Variants in IPP observed in about 807,000 individuals in gnomAD.
The protein encoded by IPP is intracisternal A particle-promoted polypeptide.
A neutral mutation model predicts 64.1 loss-of-function variants in IPP; 41 were observed. That is an observed-to-expected ratio of 0.64 (90% confidence interval 0.50 to 0.83). The LOEUF (loss-of-function observed/expected upper bound fraction) is 0.83. Ranked by LOEUF, IPP falls within the 40% of genes least tolerant of loss-of-function variation. The pLI, the probability that IPP is intolerant of heterozygous loss-of-function variation, is 0.00. For synonymous variants in IPP, 214 were observed against 235.2 expected (o/e 0.91, Z 0.83); for missense variants, 649 against 703.0 (o/e 0.92, Z 0.87).
intron 5 of IPP, 24 bp from the exon 6 acceptor site, chr1:45,719,364 T>C (rs745353974): frequency 1.3e-6 from 2 of 1,508,278 alleles, no homozygotes; most frequent in Non-Finnish European, 1.8e-6. Flanking sequence ...AAGAGACAAA[T>C]ATTATAAAGT....
chr1:45,706,828 C>A (rs1328276681), intron 8 of IPP, among the ~76,000 whole-genome samples: 1 of 152,128 alleles, frequency 6.6e-6, no homozygotes, highest in Non-Finnish European at 1.5e-5. Flanking sequence ...AAATTCAACA[C>A]TTAAAAGAAG....
chr1:45,726,925 C>A (rs2148568669), intron 5 of IPP, among the ~76,000 whole-genome samples: 1 of 152,160 alleles, frequency 6.6e-6, no homozygotes, highest in South Asian at 2.1e-4. Context: ...AAGGTTTCAC[C>A]ATGTTGGCCA....
intron 3 of IPP, among the ~76,000 whole-genome samples, chr1:45,738,857 A>AAAACAAAAAAC (rs1557758677): frequency 1.3e-5 from 2 of 150,146 alleles, no homozygotes; most frequent in African/African-American, 4.9e-5. Context: ...AAAAAAAAAA[A>AAAACAAAAAAC]AAAAAAAACA....
At chr1:45,707,616 G>C (rs1047824488) in intron 8 of IPP, among the ~76,000 whole-genome samples, 29 of 151,918 alleles carry the variant, frequency 1.9e-4, no homozygotes, top group African/African-American at 7.0e-4. Context: ...TAGAAGTTTG[G>C]ATACTCTAAA....
In IPP at chr1:45,709,602, T is replaced by C. The variant is rs190264673; in HGVS notation, c.1530+4644A>G. Among the ~76,000 whole-genome samples, 16 of 150,916 alleles carry C rather than the reference T, an allele frequency of 1.1e-4. 1 individual carries two copies. The East Asian group carries it at 3.2e-3, about 30-fold the overall frequency. On this transcript the variant is annotated intron_variant, in intron 8 of 8. Coordinates refer to ENST00000396478, the MANE Select transcript of IPP (RefSeq NM_005897.3). ...GTTCACGCCTGTAATCCCAACACTTTGGGAGGCTGAGGAGGGCAGATCACG... is the reference window on the plus strand; with the variant it reads ...GTTCACGCCTGTAATCCCAACACTTCGGGAGGCTGAGGAGGGCAGATCACG...
In IPP at chr1:45,698,715, TTC is replaced by T. The variant is rs1645409831; in HGVS notation, c.*1249_*1250del. 11 of 686,034 alleles carry T rather than the reference TTC, an allele frequency of 1.6e-5. No homozygotes were observed. The highest frequency in any genetic ancestry group is 1.8e-5 in the Non-Finnish European group (11 of 607,940). 42.5% of individuals were successfully genotyped at this position (686,034 alleles called of 1,614,324 possible). On this transcript the variant is annotated 3_prime_UTR_variant, in exon 9 of 9. Coordinates refer to ENST00000396478, the MANE Select transcript of IPP (RefSeq NM_005897.3). ...CTAGCAAAAAAGGAAGAATTTTTTT[TTC>T]TTTTTTTTTTTTTTTTTTTGAGACA... is the stretch of plus-strand genomic sequence containing the variant.
intron 5 of IPP, among the ~76,000 whole-genome samples, chr1:45,726,941 G>A (rs1385493844): frequency 6.6e-6 from 1 of 152,084 alleles, no homozygotes; most frequent in Non-Finnish European, 1.5e-5. Flanking sequence ...GGCCAGGCTG[G>A]TCTTGAACTC....
chr1:45,742,503 A>G (rs1300202022), intron 2 of IPP, among the ~76,000 whole-genome samples: 3 of 152,212 alleles, frequency 2.0e-5, no homozygotes, highest in African/African-American at 7.2e-5. Context: ...TCTATCTTCA[A>G]TTATGATAAA....
chr1:45,734,205 T>C (rs1557755963), intron 3 of IPP, among the ~76,000 whole-genome samples: 1 of 152,132 alleles, frequency 6.6e-6, no homozygotes, highest in Non-Finnish European at 1.5e-5. Context: ...AAGTTGATAC[T>C]GTTTAAAATT....
At chr1:45,726,400 G>A (rs966341606) in intron 5 of IPP, among the ~76,000 whole-genome samples, 39 of 152,014 alleles carry the variant, frequency 2.6e-4, no homozygotes, top group African/African-American at 8.9e-4. Flanking sequence ...GGAGGTTGTG[G>A]TGAGCTGAGA....
At chr1:45,713,822 G>A (rs1175783212) in intron 8 of IPP, among the ~76,000 whole-genome samples, 2 of 152,146 alleles carry the variant, frequency 1.3e-5, no homozygotes, top group Non-Finnish European at 2.9e-5. Flanking sequence ...GCTTCCCAAA[G>A]TGCTGGGATT....
intron 5 of IPP, among the ~76,000 whole-genome samples, chr1:45,721,844 G>A (rs28642844): frequency 1.3e-5 from 2 of 151,212 alleles, no homozygotes; most frequent in Non-Finnish European, 1.5e-5. Flanking sequence ...GGCAGATCAC[G>A]AGGTCAGGAG....
chr1:45,703,900 T>A (rs1041256130), intron 8 of IPP, among the ~76,000 whole-genome samples: 6 of 152,350 alleles, frequency 3.9e-5, no homozygotes, highest in African/African-American at 1.4e-4. Context: ...AGTTTGTTCT[T>A]GTTTCTGCCT....
downstream of IPP, among the ~76,000 whole-genome samples, chr1:45,695,819 G>C (rs949561678): frequency 6.6e-6 from 1 of 152,030 alleles, no homozygotes; most frequent in East Asian, 1.9e-4. Flanking sequence ...ACAGGCATGC[G>C]CCACCATGCC....
intron 8 of IPP, among the ~76,000 whole-genome samples, chr1:45,703,067 T>C (rs1456579672): frequency 1.3e-5 from 2 of 151,896 alleles, no homozygotes; most frequent in African/African-American, 4.8e-5. Context: ...TTAATCCAGA[T>C]TTAAGAAGTA....
At chr1:45,749,822 G>A (rs546912324) in intron 1 of IPP, among the ~76,000 whole-genome samples, 10 of 152,208 alleles carry the variant, frequency 6.6e-5, no homozygotes, top group East Asian at 1.9e-4. Flanking sequence ...GCCCGGCCAG[G>A]GAGGATCGCT....
At chr1:45,740,780 A>G in intron 3 of IPP, 121 bp downstream of exon 3, 1 of 593,098 alleles carries the variant, frequency 1.7e-6, no homozygotes, top group Non-Finnish European at 2.8e-6. Context: ...AAGAAAAAAA[A>G]AGAGTAATCA....
At chr1:45,712,865 G>GAAAA (rs1185686636) in intron 8 of IPP, among the ~76,000 whole-genome samples, 1 of 120,882 alleles carries the variant, frequency 8.3e-6, no homozygotes, top group East Asian at 2.4e-4. Context: ...AAAAAAAAAA[G>GAAAA]AAAAAAAAAA....
intron 1 of IPP, among the ~76,000 whole-genome samples, 167 bp downstream of exon 1, chr1:45,750,430 C>T (rs993340823): frequency 2.6e-5 from 4 of 152,172 alleles, no homozygotes; most frequent in Admixed American, 2.0e-4. Flanking sequence ...GAGGGCGACA[C>T]TTAGACTGTC....
Sources: gnomAD v4.1 joint callset for allele counts (sites outside exome capture counted in the v4.1 genomes callset) on GRCh38, gnomAD v4.1.1 for gene constraint, MANE v1.5 for transcripts, NCBI Gene and HGNC (gene_info 2026-07-23, HGNC 2026-07-21) for gene names.